The following ZFHX2 variants were observed in gnomAD, a reference collection of about 807,000 sequenced individuals.
The protein encoded by ZFHX2 is zinc finger homeobox protein 2.
ZFHX2 carries 75 observed loss-of-function variants against 164.8 expected under a neutral mutation model. That is an observed-to-expected ratio of 0.46 (90% CI 0.38 to 0.55). The LOEUF (loss-of-function observed/expected upper bound fraction) is 0.55, where lower values mean the gene tolerates loss of function less well. Ranked by LOEUF, ZFHX2 falls within the 20% of genes least tolerant of loss-of-function variation. ZFHX2 has a pLI of 0.00. For missense variants in ZFHX2, 2,933 were observed against 3,308.0 expected, an observed-to-expected ratio of 0.89 and a Z score of 2.78; for synonymous variants, 1,217 against 1,351.4, an observed-to-expected ratio of 0.90 and a Z score of 2.18.
chr14:23,522,345 C>A lies in ZFHX2; in HGVS notation c.7336G>T (p.Asp2446Tyr), dbSNP rs771452520. The A allele has an allele frequency of 6.5e-7, 1 of 1,535,282 alleles. No homozygotes were observed. The highest frequency in any genetic ancestry group is 1.2e-5 in the South Asian group (1 of 83,954). Reference protein sequence around the residue: ...LTGSTGISTVDVTHRYLCRQC... With the variant: ...LTGSTGISTVYVTHRYLCRQC... The stretch of plus-strand genomic sequence containing the variant: ...CGGCACAGGTAGCGATGGGTTACAT[C>A]CACGGTGGAGATGCCAGTGCTGCCT... Residue 2446 changes from aspartate (D) to tyrosine (Y), a missense_variant, in exon 10 of 10, where the codon GAT becomes TAT. Asp to Tyr is a radical substitution (Grantham distance 160). Transcript: ENST00000419474.
chr14:23,550,641 T>C (rs1881851186), intron 1 of ZFHX2, among the ~76,000 whole-genome samples: 1 of 151,968 alleles, frequency 6.6e-6, no homozygotes, highest in South Asian at 2.1e-4. Flanking sequence ...TGCTTGAAAA[T>C]GATAGGGCTG....
At chr14:23,531,843 T>A in intron 3 of ZFHX2, 122 bp from the exon 4 acceptor site, 1 of 1,206,770 alleles carries the variant, frequency 8.3e-7, no homozygotes, top group Non-Finnish European at 1.0e-6. Flanking sequence ...AGTGGCATGA[T>A]CTCTACTCAC....
At chr14:23,545,890 G>A (rs1478854667) in intron 1 of ZFHX2, among the ~76,000 whole-genome samples, 3 of 152,296 alleles carry the variant, frequency 2.0e-5, no homozygotes, top group Middle Eastern at 3.4e-3. Flanking sequence ...TGGAAATGGC[G>A]TTTACCCCAT....
chr14:23,522,769 G>A lies in ZFHX2; in HGVS notation c.6912C>T (p.Pro2304=). The change falls in exon 10 of 10, where the codon CCC becomes CCT. Residue 2304 remains proline (P), a synonymous_variant. Transcript: ENST00000419474. ...GCTCACTGGAGACCTTGTCCCCCAA[G>A]GGCTCAGTAGGAGGGCCTGGGACAG... The part of the protein sequence containing the change: ...TDPVPGPPTE[P]LGDKVSSERK... 1 of 1,536,460 alleles carries A rather than the reference G, an allele frequency of 6.5e-7. No individual in the cohort carries two copies. Among genetic ancestry groups the A allele is most frequent in the Admixed American group, 2.0e-5 (1 of 51,004 alleles).
Position 23,535,088 on chromosome 14 carries a change from G to C in ZFHX2, c.238C>G (p.Pro80Ala), listed in dbSNP as rs768100586. 2 of 1,536,208 alleles carry C rather than the reference G, an allele frequency of 1.3e-6. No individual in the cohort carries two copies. The highest frequency in any genetic ancestry group is 8.7e-7 in the Non-Finnish European group (1 of 1,146,910). The change falls in exon 2 of 10, where the codon CCT (proline) becomes GCT (alanine). Residue 80 changes from proline (P) to alanine (A), a missense_variant. Transcript: ENST00000419474. The surrounding 1 kb of genome is among the most constrained non-coding windows in gnomAD (Gnocchi z 4.5). ...TTTGGTGGGAAGTGACCACAGTCAG[G>C]CCCTTCCTGGGGCTCCCCAATCTCC... ...PKEIGEPQEG[P>A]DCGHFPPNDP...
chr14:23,532,822 C>T lies in ZFHX2; in HGVS notation c.2304G>A (p.Gln768=). 3 of 1,536,592 alleles carry T rather than the reference C, an allele frequency of 2.0e-6. No homozygotes were observed. Among genetic ancestry groups the T allele is most frequent in the Non-Finnish European group, 2.6e-6 (3 of 1,147,044 alleles). Residue 768 remains glutamine, a synonymous_variant, in exon 3 of 10, where the codon CAG becomes CAA. Coordinates refer to ENST00000419474, the MANE Select transcript of ZFHX2 (RefSeq NM_033400.3). ...HRCKLCCYGT[Q]LKANFQLHLK... is the part of the protein sequence containing the mutation. The stretch of plus-strand genomic sequence containing the variant: ...GGTGGAGTTGGAAGTTGGCCTTGAG[C>T]TGGGTGCCATAGCAGCAAAGCTTGC...
In ZFHX2 at chr14:23,525,013, G is replaced by C; in HGVS notation, c.4929C>G (p.Phe1643Leu). Residue 1643 changes from phenylalanine to leucine, a missense_variant, in exon 9 of 10, where the codon TTC becomes TTG. By Grantham distance (22) the Phe-to-Leu change is conservative (BLOSUM62 0). Coordinates refer to ENST00000419474, the MANE Select transcript of ZFHX2 (RefSeq NM_033400.3). This position sits in a 1 kb window ranked among gnomAD's most constrained non-coding sequence, Gnocchi z 5.9. ...TGCGTGCTTTCTGGCGGGCATTCTG[G>C]AACCACACCACCACCACACGGCTAG... ...GLASRVVVVW[F>L]QNARQKARKN... is the part of the protein sequence containing the mutation. 1 of 1,536,190 alleles carries C rather than the reference G, an allele frequency of 6.5e-7. No homozygotes were observed. The highest frequency in any genetic ancestry group is 8.7e-7 in the Non-Finnish European group (1 of 1,146,924).
upstream of ZFHX2, among the ~76,000 whole-genome samples, chr14:23,555,043 A>G (rs919560361): frequency 2.6e-5 from 4 of 152,186 alleles, no homozygotes; most frequent in Non-Finnish European, 5.9e-5. Flanking sequence ...GCTGGAGTGC[A>G]GTGGCGCCAT....
rs1369784793 is a variant in ZFHX2, at chr14:23,523,964, T to G, written c.5978A>C (p.Glu1993Ala). Residue 1993 changes from glutamate (E) to alanine (A), a missense_variant, in exon 9 of 10, where the codon GAG becomes GCG. Transcript: ENST00000419474. The surrounding 1 kb of genome is among the most constrained non-coding windows in gnomAD (Gnocchi z 4.1). ...PGKEATTPTPEPPLPLLPPPP... is the reference protein window; with the variant it reads ...PGKEATTPTPAPPLPLLPPPP... ...GGGAGGTAGGAGAGGTAGAGGTGGC[T>G]CTGGTGTTGGGGTGGTGGCCTCTTT... 2.6e-6 allele frequency: 4 copies of G among 1,533,872 alleles called. No homozygotes were observed. Among genetic ancestry groups the G allele is most frequent in the Non-Finnish European group, 2.6e-6 (3 of 1,145,482 alleles).
In ZFHX2 at chr14:23,523,064, C is replaced by T. The variant is rs548559464; in HGVS notation, c.6740-123G>A. On this transcript the variant is annotated intron_variant, in intron 9 of 9. Transcript: ENST00000419474. The surrounding 1 kb of genome is among the most constrained non-coding windows in gnomAD (Gnocchi z 4.1). ...ACCGGATTTCCATGCCCCTTCCCTC[C>T]CTTCTTTCCCCCAAGAGCCTGATGC... is the stretch of plus-strand genomic sequence containing the variant. The T allele has an allele frequency of 3.7e-4, 518 of 1,403,562 alleles. 7 individuals are homozygous for T. In the South Asian group the frequency reaches 8.2e-3, roughly 22 times the overall value. 86.9% of individuals were successfully genotyped at this position (1,403,562 alleles called of 1,614,324 possible). A position where few individuals can be genotyped will look rare whatever the true frequency, so the allele number is the denominator to read the frequency against.
At position 23,533,144 on chromosome 14, in the gene ZFHX2, T is replaced by A. The variant is rs1471169047; in HGVS notation, c.2042-60A>T. On this transcript the variant is annotated intron_variant, in intron 2 of 9. Coordinates refer to ENST00000419474, the MANE Select transcript of ZFHX2 (RefSeq NM_033400.3). This position sits in a 1 kb window ranked among gnomAD's most constrained non-coding sequence, Gnocchi z 4.8. ...GAAATGGGGCACGGTTGGTTCTCTA[T>A]GTGGGGAGGTGGGTTAATGAGTAGG... is the stretch of plus-strand genomic sequence containing the variant. 8 of 1,461,572 alleles carry A rather than the reference T, an allele frequency of 5.5e-6. No homozygotes were observed. The highest frequency in any genetic ancestry group is 7.2e-6 in the Non-Finnish European group (8 of 1,109,410). 90.5% of individuals were successfully genotyped at this position (1,461,572 alleles called of 1,614,324 possible). A position where few individuals can be genotyped will look rare whatever the true frequency, so the allele number is the denominator to read the frequency against.
rs1387912413 is a variant in ZFHX2 at position 23,551,058 on chromosome 14, C to T, written c.-50+285G>A. Among the ~76,000 whole-genome samples the T allele has an allele frequency of 6.6e-6, 1 of 152,010 alleles. No individual in the cohort carries two copies. Among genetic ancestry groups the T allele is most frequent in the South Asian group, 2.1e-4 (1 of 4,800 alleles). The stretch of plus-strand genomic sequence containing the variant: ...CTGTCCGGCGGGCCTCTGCCTTTCC[C>T]GTTCCCGTTTCTCCCTCCACCCCCG... On this transcript the variant is annotated intron_variant, in intron 1 of 9. Coordinates refer to ENST00000419474, the MANE Select transcript of ZFHX2 (RefSeq NM_033400.3). This position sits in a 1 kb window ranked among gnomAD's most constrained non-coding sequence, Gnocchi z 5.3.
chr14:23,525,574 A>C lies in ZFHX2; in HGVS notation c.4368T>G (p.Asn1456Lys). 3.3e-6 allele frequency: 5 copies of C among 1,535,480 alleles called. No individual in the cohort carries two copies. The highest frequency in any genetic ancestry group is 4.4e-6 in the Non-Finnish European group (5 of 1,146,828). The change falls in exon 9 of 10, where the codon AAT becomes AAG. Residue 1456 changes from asparagine to lysine, a missense_variant. Transcript: ENST00000419474. The surrounding 1 kb of genome is among the most constrained non-coding windows in gnomAD (Gnocchi z 5.9). ...NFGFELVIQY[N>K]EGKQAVPPPP... is the part of the protein sequence containing the mutation. ...GAGGGGGCACAGCTTGCTTCCCTTC[A>C]TTGTACTGGATCACCAGCTCAAAGC...
intron 1 of ZFHX2, among the ~76,000 whole-genome samples, chr14:23,536,318 C>T (rs932269150): frequency 2.0e-5 from 3 of 152,196 alleles, no homozygotes; most frequent in Non-Finnish European, 2.9e-5. Flanking sequence ...CTAGGAAAGA[C>T]CCTCAGATTT....
chr14:23,544,242 G>A (rs1162461269), intron 1 of ZFHX2: 1 of 147,220 alleles, frequency 6.8e-6, no homozygotes, highest in African/African-American at 2.5e-5. Context: ...GTGACAGAGT[G>A]AGACCCTGTC....
At chr14:23,547,783 T>C (rs1881542412) in intron 1 of ZFHX2, among the ~76,000 whole-genome samples, 1 of 152,176 alleles carries the variant, frequency 6.6e-6, no homozygotes, top group South Asian at 2.1e-4. Context: ...TCCCTACTAA[T>C]TCAACGTTTG....
chr14:23,550,780 A>G (rs968959616), intron 1 of ZFHX2, among the ~76,000 whole-genome samples: 4 of 152,068 alleles, frequency 2.6e-5, no homozygotes, highest in Non-Finnish European at 4.4e-5. Flanking sequence ...GGAAAGCCCA[A>G]CTTCAGCCAA....
chr14:23,544,725 C>G (rs911093321), intron 1 of ZFHX2, among the ~76,000 whole-genome samples: 1 of 152,208 alleles, frequency 6.6e-6, no homozygotes, highest in Non-Finnish European at 1.5e-5. Flanking sequence ...CTCGCTGCCT[C>G]TAATGGCGCT....
chr14:23,524,883 G>A lies in ZFHX2; in HGVS notation c.5059C>T (p.Arg1687Cys), dbSNP rs1336427400. 7.2e-6 allele frequency: 11 copies of A among 1,536,218 alleles called. No homozygotes were observed. Among genetic ancestry groups the A allele is most frequent in the East Asian group, 2.4e-5 (1 of 40,926 alleles). The part of the protein sequence containing the change: ...ATFSCVFELV[R>C]HLKKCYDDQT... ...TCATCATAGCACTTCTTGAGGTGGC[G>A]CACCAACTCAAAAACACAGGAGAAA... is the stretch of plus-strand genomic sequence containing the variant. Residue 1687 changes from arginine (R) to cysteine (C), a missense_variant, in exon 9 of 10, where the codon CGC (arginine) becomes TGC (cysteine). Arg to Cys is a radical substitution (Grantham distance 180). Coordinates refer to ENST00000419474, the MANE Select transcript of ZFHX2 (RefSeq NM_033400.3). The surrounding 1 kb of genome is among the most constrained non-coding windows in gnomAD (Gnocchi z 5.6).
Sources: gnomAD v4.1 joint callset for allele counts (sites outside exome capture counted in the v4.1 genomes callset) on GRCh38, gnomAD v4.1.1 for gene constraint, Gnocchi (gnomAD v3.1) non-coding constraint, MANE v1.5 for transcripts, NCBI Gene and HGNC (gene_info 2026-07-23, HGNC 2026-07-21) for gene names.